Variants in PTBP3 observed in about 807,000 individuals in gnomAD.
PTBP3 encodes polypyrimidine tract-binding protein 3.
A neutral mutation model predicts 58.7 loss-of-function variants in PTBP3; 20 were observed. That is an observed-to-expected ratio of 0.34 (90% CI 0.24 to 0.50). The LOEUF is 0.50. PTBP3 is among the 20% of genes least tolerant of loss of function. The pLI, the probability that PTBP3 is intolerant of heterozygous loss-of-function variation, is 0.98. For synonymous variants in PTBP3, 185 were observed against 219.8 expected, an observed-to-expected ratio of 0.84 and a Z score of 1.40; for missense variants, 509 against 637.2, an observed-to-expected ratio of 0.80 and a Z score of 2.17.
intron 8 of PTBP3, among the ~76,000 whole-genome samples, chr9:112,232,554 T>G (rs1194660141): frequency 1.3e-5 from 2 of 152,198 alleles, no homozygotes; most frequent in East Asian, 3.8e-4. Context: ...TTTCTTACAA[T>G]AGATATATCC....
chr9:112,309,610 AC>A, intron 1 of PTBP3, among the ~76,000 whole-genome samples: 1 of 151,760 alleles, frequency 6.6e-6, no homozygotes, highest in South Asian at 2.1e-4. Context: ...ACATGATGAA[AC>A]CCCGTCTCTA....
chr9:112,267,940 A>C (rs1370839837), intron 4 of PTBP3, 109 bp downstream of exon 4: 2 of 1,025,282 alleles, frequency 2.0e-6, no homozygotes, highest in Non-Finnish European at 1.3e-6. Flanking sequence ...TGACTAGTAA[A>C]GTATCCTAAA....
the PTBP3 span, among the ~76,000 whole-genome samples, chr9:112,367,465 G>T: frequency 2.0e-5 from 3 of 151,850 alleles, no homozygotes; most frequent in Non-Finnish European, 4.4e-5. Context: ...TTGTTTTTTG[G>T]CTAGGTTCTT....
At chr9:112,252,509 T>G in intron 6 of PTBP3, 169 bp downstream of exon 6, 1 of 520,776 alleles carries the variant, frequency 1.9e-6, no homozygotes, top group Non-Finnish European at 3.2e-6. Flanking sequence ...TAGTAATGAT[T>G]TTTAGCTTAG....
At chr9:112,336,076 G>A (rs1374575792), upstream of PTBP3, among the ~76,000 whole-genome samples, 2 of 152,042 alleles carry the variant, frequency 1.3e-5, no homozygotes, top group Non-Finnish European at 2.9e-5. Flanking sequence ...GTTTCACCAT[G>A]TTGGCCAGGC....
Position 112,271,726 on chromosome 9 carries a change from G to C in PTBP3, c.205-3531C>G, listed in dbSNP as rs185666791. Among the ~76,000 whole-genome samples, 57 of 152,032 alleles carry C rather than the reference G, an allele frequency of 3.7e-4. 1 individual carries two copies. The highest frequency in any genetic ancestry group is 1.2e-3 in the African/African-American group (50 of 41,462). ...TACTCCAGCCTGGGCAACAGAGCAA[G>C]ACTCCGCTTCAAGAAAGAAAAAAAA... is the stretch of plus-strand genomic sequence containing the variant. On this transcript the variant is annotated intron_variant, in intron 3 of 13. Coordinates refer to ENST00000374257, the MANE Select transcript of PTBP3 (RefSeq NM_001163788.4).
the PTBP3 span, among the ~76,000 whole-genome samples, chr9:112,363,516 T>TCACACACACACACACA: frequency 6.1e-4 from 82 of 134,860 alleles, no homozygotes; most frequent in African/African-American, 1.8e-3. Context: ...AGCAAAACTG[T>TCACACACACACACACA]CACACACACA....
chr9:112,308,274 G>A (rs1829316109), intron 1 of PTBP3, among the ~76,000 whole-genome samples: 1 of 150,384 alleles, frequency 6.6e-6, no homozygotes, highest in Non-Finnish European at 1.5e-5. Context: ...TGATCCTCTG[G>A]CCTAGGATTC....
At chr9:112,367,860 T>C in the PTBP3 span, among the ~76,000 whole-genome samples, 19 of 152,212 alleles carry the variant, frequency 1.2e-4, no homozygotes, top group African/African-American at 3.9e-4. Context: ...TTTTCTGTCA[T>C]TGTTTCTTTA....
chr9:112,306,864 C>T (rs145540344), intron 1 of PTBP3, among the ~76,000 whole-genome samples: 1,923 of 152,182 alleles, frequency 0.013, 48 homozygotes, highest in African/African-American at 0.044. Flanking sequence ...GATCCACCCA[C>T]CTTGGCCTCC....
At chr9:112,352,013 G>T in the PTBP3 span, among the ~76,000 whole-genome samples, 4 of 151,580 alleles carry the variant, frequency 2.6e-5, no homozygotes, top group Non-Finnish European at 4.4e-5. Context: ...AACCTCCAAG[G>T]CTCAAGTGAT....
the PTBP3 span, among the ~76,000 whole-genome samples, chr9:112,357,337 T>C: frequency 2.0e-5 from 3 of 152,098 alleles, no homozygotes; most frequent in Non-Finnish European, 4.4e-5. Flanking sequence ...TTTTGTGTTG[T>C]TGTTGTTGTT....
chr9:112,254,736 T>C (rs1220569841), intron 5 of PTBP3, among the ~76,000 whole-genome samples: 1 of 152,174 alleles, frequency 6.6e-6, no homozygotes, highest in Non-Finnish European at 1.5e-5. Context: ...TTGGGGAGGA[T>C]ATGAAGAAAA....
upstream of PTBP3, among the ~76,000 whole-genome samples, chr9:112,338,579 C>T (rs542042819): frequency 6.9e-4 from 105 of 152,264 alleles, no homozygotes; most frequent in African/African-American, 2.3e-3. Flanking sequence ...AAGGCTTAAG[C>T]AAAATGGCAT....
In PTBP3 at chr9:112,222,458, C is replaced by A; in HGVS notation, c.*1393G>T. 85 of 985,490 alleles carry A rather than the reference C, an allele frequency of 8.6e-5. No homozygotes were observed. The highest frequency in any genetic ancestry group is 1.0e-4 in the Non-Finnish European group (85 of 829,900). 61.0% of individuals were successfully genotyped at this position (985,490 alleles called of 1,614,324 possible). On this transcript the variant is annotated 3_prime_UTR_variant, in exon 14 of 14. Coordinates refer to ENST00000374257, the MANE Select transcript of PTBP3 (RefSeq NM_001163788.4). ...TGAGAAAAACCAAGTAATCCTGAGA[C>A]AAATTCTGATGGGTGAAAAAGATGA...
chr9:112,252,606 TA>T, intron 6 of PTBP3, 71 bp downstream of exon 6: 1 of 1,157,404 alleles, frequency 8.6e-7, no homozygotes, highest in Non-Finnish European at 1.3e-6. Flanking sequence ...AAACACATGG[TA>T]AAGTGGGGCA....
In PTBP3 at chr9:112,295,270, T is replaced by C. The variant is rs115740027; in HGVS notation, c.34+2562A>G. Among the ~76,000 whole-genome samples, 1,262 of 150,136 alleles carry C rather than the reference T, an allele frequency of 8.4e-3. 20 individuals carry two copies. The highest frequency in any genetic ancestry group is 0.03 in the African/African-American group (1,204 of 40,754). The stretch of plus-strand genomic sequence containing the variant: ...GAAAAAAAAAAAAAAAAGAAGTTAA[T>C]CTCTTGCTCACATGAAAAGTCTAAA... On this transcript the variant is annotated intron_variant, in intron 2 of 13. Coordinates refer to ENST00000374257, the MANE Select transcript of PTBP3 (RefSeq NM_001163788.4).
intron 5 of PTBP3, among the ~76,000 whole-genome samples, chr9:112,262,221 CT>C (rs1307347009): frequency 2.6e-5 from 4 of 151,954 alleles, no homozygotes; most frequent in Non-Finnish European, 4.4e-5. Context: ...AAAATCAAAA[CT>C]TTTTACACCC....
In PTBP3 at chr9:112,278,737, G is replaced by C. The variant is rs998968110; in HGVS notation, c.35-2724C>G. On this transcript the variant is annotated intron_variant, in intron 2 of 13. Coordinates refer to ENST00000374257, the MANE Select transcript of PTBP3 (RefSeq NM_001163788.4). ...GCAGAGCTATGAAATCAGATATCCT[G>C]TTCTGAGCAAGTTATTTAACGTTAC... 2.0e-4 allele frequency among the ~76,000 whole-genome samples: 30 copies of C among 152,176 alleles called. 1 individual carries two copies. The highest frequency in any genetic ancestry group is 1.9e-3 in the Admixed American group (29 of 15,276).
Sources: allele counts gnomAD v4.1 joint callset (sites outside exome capture counted in the v4.1 genomes callset), GRCh38; gene constraint gnomAD v4.1.1; transcripts MANE v1.5; gene names NCBI Gene and HGNC (gene_info 2026-07-23, HGNC 2026-07-21).